CCDC60: variants seen among roughly 807,000 people sequenced by gnomAD.
CCDC60 encodes the protein coiled-coil domain-containing protein 60.
Under a neutral mutation model 63.5 loss-of-function variants are expected in CCDC60, and 54 were observed. The ratio of observed to expected loss-of-function variants is 0.85; its 90% CI spans 0.68 to 1.07. CCDC60 has a LOEUF of 1.07. Ranked by LOEUF, CCDC60 falls within the 50% of genes least tolerant of loss-of-function variation. CCDC60 has a pLI of 0.00. For missense variants in CCDC60, 651 were observed against 684.3 expected, an observed-to-expected ratio of 0.95 and a Z score of 0.54; for synonymous variants, 206 against 238.8, an observed-to-expected ratio of 0.86 and a Z score of 1.27.
chr12:119,414,278 CA>C (rs1383516998), intron 1 of CCDC60, among the ~76,000 whole-genome samples: 1 of 152,134 alleles, frequency 6.6e-6, no homozygotes, highest in Non-Finnish European at 1.5e-5. Context: ...CGCAACCTCC[CA>C]AAGTGCTGGG....
chr12:119,369,620 G>T (rs1955877800), intron 1 of CCDC60, among the ~76,000 whole-genome samples: 1 of 152,190 alleles, frequency 6.6e-6, no homozygotes, highest in South Asian at 2.1e-4. Flanking sequence ...GCCTCTCTGA[G>T]CCCCACAGTC....
chr12:119,411,439 G>A (rs770757110), intron 1 of CCDC60, among the ~76,000 whole-genome samples: 7 of 150,772 alleles, frequency 4.6e-5, no homozygotes, highest in African/African-American at 7.3e-5. Context: ...CCCGGGAGGC[G>A]GAGGCTGCAG....
At chr12:119,514,923 G>C (rs918168007) in intron 7 of CCDC60, among the ~76,000 whole-genome samples, 6 of 152,066 alleles carry the variant, frequency 3.9e-5, no homozygotes, top group Non-Finnish European at 8.8e-5. Context: ...GTTATCCCTA[G>C]ATACACAAAT....
At chr12:119,422,133 T>C (rs1956824597) in intron 1 of CCDC60, among the ~76,000 whole-genome samples, 1 of 152,156 alleles carries the variant, frequency 6.6e-6, no homozygotes, top group Non-Finnish European at 1.5e-5. Context: ...GGCAGAGACT[T>C]GACTTTGTTT....
At chr12:119,507,361 T>A (rs953718039) in intron 7 of CCDC60, among the ~76,000 whole-genome samples, 1 of 150,984 alleles carries the variant, frequency 6.6e-6, no homozygotes, top group Non-Finnish European at 1.5e-5. Context: ...ACAGAAGAAG[T>A]AGTATCTGAG....
intron 2 of CCDC60, among the ~76,000 whole-genome samples, chr12:119,450,340 C>T (rs1239259204): frequency 6.6e-6 from 1 of 152,094 alleles, no homozygotes; most frequent in East Asian, 1.9e-4. Flanking sequence ...ACATTAAAAG[C>T]ACAGACTTCA....
At chr12:119,446,144 G>A (rs1950538518) in intron 2 of CCDC60, among the ~76,000 whole-genome samples, 1 of 152,018 alleles carries the variant, frequency 6.6e-6, no homozygotes, top group Non-Finnish European at 1.5e-5. Flanking sequence ...ACCAAATAGA[G>A]CATTGTTTTG....
At chr12:119,400,868 G>A (rs1186064589) in intron 1 of CCDC60, among the ~76,000 whole-genome samples, 1 of 152,188 alleles carries the variant, frequency 6.6e-6, no homozygotes, top group African/African-American at 2.4e-5. Context: ...AATGGGTGCA[G>A]GAAAGAAGCC....
chr12:119,367,978 A>G (rs1955857479), intron 1 of CCDC60, among the ~76,000 whole-genome samples: 1 of 151,954 alleles, frequency 6.6e-6, no homozygotes, highest in South Asian at 2.1e-4. Context: ...GAGTCTCTTA[A>G]AAACTTTTGA....
intron 1 of CCDC60, among the ~76,000 whole-genome samples, chr12:119,393,744 A>G (rs1432286164): frequency 6.6e-6 from 1 of 152,218 alleles, no homozygotes. Flanking sequence ...CTTCAAGAGG[A>G]AAGAAATATC....
intron 2 of CCDC60, among the ~76,000 whole-genome samples, chr12:119,445,957 C>G (rs1283469708): frequency 6.6e-6 from 1 of 152,070 alleles, no homozygotes; most frequent in East Asian, 1.9e-4. Flanking sequence ...CAAAAGACTA[C>G]AAATATGGTG....
rs537570901 is a variant in CCDC60 at position 119,353,810 on chromosome 12, C to T, written c.90+18544C>T. Reference sequence around the variant, plus strand: ...GGGTGTGGCTGGGCGCAGTGGCTTACGCCTGTAATCCCAGCACTTTGGTAT... The same window carrying T: ...GGGTGTGGCTGGGCGCAGTGGCTTATGCCTGTAATCCCAGCACTTTGGTAT... On this transcript the variant is annotated intron_variant, in intron 1 of 13. Coordinates refer to ENST00000327554, the MANE Select transcript of CCDC60 (RefSeq NM_178499.5). 1.4e-4 allele frequency among the ~76,000 whole-genome samples: 21 copies of T among 152,168 alleles called. No homozygotes were observed. The South Asian group carries it at 3.3e-3, about 24-fold the overall frequency.
chr12:119,465,515 T>C (rs1336335584), intron 2 of CCDC60, among the ~76,000 whole-genome samples: 2 of 151,824 alleles, frequency 1.3e-5, no homozygotes, highest in East Asian at 1.9e-4. Context: ...CCCAGCACTC[T>C]GGGAGGCCGA....
rs772087916 is a variant in CCDC60, at chr12:119,516,727, G to C, written c.968+20G>C. 1.8e-5 allele frequency: 28 copies of C among 1,539,558 alleles called. 1 individual carries two copies. The African/African-American group carries it at 2.5e-4, about 14-fold the overall frequency. ...ACCCAGGTATGTGCTCTTGACTCCTGGGGCAAATAAAGCTTAGAATAATAG... is the reference window on the plus strand; with the variant it reads ...ACCCAGGTATGTGCTCTTGACTCCTCGGGCAAATAAAGCTTAGAATAATAG... On this transcript the variant is annotated intron_variant, in intron 8 of 13. Transcript: ENST00000327554.
At chr12:119,356,034 A>G (rs903315485) in intron 1 of CCDC60, among the ~76,000 whole-genome samples, 1 of 152,240 alleles carries the variant, frequency 6.6e-6, no homozygotes, top group Non-Finnish European at 1.5e-5. Context: ...CCCCATGGAA[A>G]AAAACATAAT....
chr12:119,416,226 C>T (rs758437385), intron 1 of CCDC60, among the ~76,000 whole-genome samples: 6 of 151,898 alleles, frequency 4.0e-5, no homozygotes, highest in Non-Finnish European at 7.4e-5. Flanking sequence ...ACTAAAAATA[C>T]AAATTAGCCG....
At chr12:119,490,318 T>G (rs1951554490) in intron 5 of CCDC60, among the ~76,000 whole-genome samples, 1 of 152,200 alleles carries the variant, frequency 6.6e-6, no homozygotes, top group Non-Finnish European at 1.5e-5. Flanking sequence ...TACAAGTGGT[T>G]GACAGACTTT....
chr12:119,489,061 T>G (rs914707221), intron 5 of CCDC60, among the ~76,000 whole-genome samples, 195 bp downstream of exon 5: 1 of 152,164 alleles, frequency 6.6e-6, no homozygotes, highest in East Asian at 1.9e-4. Context: ...GCCGGTTGTG[T>G]GCATCTCCTT....
At chr12:119,524,665 G>A (rs1461249245) in intron 11 of CCDC60, among the ~76,000 whole-genome samples, 2 of 150,178 alleles carry the variant, frequency 1.3e-5, no homozygotes, top group Non-Finnish European at 2.9e-5. Flanking sequence ...CCTGGCCCAG[G>A]ACAGCCCTCA....
Sources: gnomAD v4.1 joint callset for allele counts (sites outside exome capture counted in the v4.1 genomes callset) on GRCh38, gnomAD v4.1.1 for gene constraint, MANE v1.5 for transcripts, NCBI Gene and HGNC (gene_info 2026-07-23, HGNC 2026-07-21) for gene names.